The following KCNAB1 variants were observed in gnomAD, a reference collection of about 807,000 sequenced individuals.
KCNAB1 encodes voltage-gated potassium channel subunit beta-1.
KCNAB1 carries 35 observed loss-of-function variants against 64.6 expected under a neutral mutation model. The observed-to-expected ratio is 0.54, with a 90% confidence interval of 0.41 to 0.72. The LOEUF (loss-of-function observed/expected upper bound fraction) is 0.72, where lower values mean the gene tolerates loss of function less well. Ranked by LOEUF, KCNAB1 falls within the 30% of genes least tolerant of loss-of-function variation. KCNAB1 has a pLI of 0.00. For missense variants in KCNAB1, 401 were observed against 512.9 expected (o/e 0.78, Z 2.11); for synonymous variants, 177 against 183.8 (o/e 0.96, Z 0.30).
chr3:156,292,003 G>A (rs1349428662), intron 1 of KCNAB1: 10 of 1,614,118 alleles, frequency 6.2e-6, no homozygotes, highest in Non-Finnish European at 8.5e-6. Context: ...CCCCCAATGT[G>A]GTGAACGCAG....
At chr3:156,151,764 C>A (rs1179753717) in intron 1 of KCNAB1, among the ~76,000 whole-genome samples, 1 of 152,176 alleles carries the variant, frequency 6.6e-6, no homozygotes, top group East Asian at 1.9e-4. Context: ...GTAAAATTTA[C>A]ATAAATATGA....
intron 3 of KCNAB1, among the ~76,000 whole-genome samples, chr3:156,454,592 CTCTG>C (rs1388864292): frequency 3.3e-4 from 51 of 152,274 alleles, no homozygotes; most frequent in African/African-American, 9.6e-4. Context: ...TACTACAGGA[CTCTG>C]TCTGACTGGC....
intron 1 of KCNAB1, among the ~76,000 whole-genome samples, chr3:156,321,245 T>C (rs1722640046): frequency 6.6e-6 from 1 of 152,228 alleles, no homozygotes; most frequent in South Asian, 2.1e-4. Context: ...CTGAATTCCC[T>C]GTCTCAAGAA....
At chr3:156,260,768 G>A (rs1718384506) in intron 1 of KCNAB1, among the ~76,000 whole-genome samples, 1 of 152,174 alleles carries the variant, frequency 6.6e-6, no homozygotes, top group African/African-American at 2.4e-5. Context: ...ATCTAGAAGT[G>A]CAGTTACTTG....
Position 156,227,286 on chromosome 3 carries a change from A to G in KCNAB1, c.275+106400A>G, listed in dbSNP as rs544636154. On this transcript the variant is annotated intron_variant, in intron 1 of 13. Coordinates refer to ENST00000490337, the MANE Select transcript of KCNAB1 (RefSeq NM_172160.3). ...TTTGATAGTACTGAAACGACTGGCC[A>G]TTTGCAAGAATGAAACTAATTTAAA... is the stretch of plus-strand genomic sequence containing the variant. Among the ~76,000 whole-genome samples the G allele has an allele frequency of 3.3e-5, 5 of 152,342 alleles. No individual in the cohort carries two copies. In the East Asian group the frequency reaches 9.6e-4, roughly 29 times the overall value.
At chr3:156,505,092 G>A (rs1424891639) in intron 8 of KCNAB1, among the ~76,000 whole-genome samples, 1 of 152,066 alleles carries the variant, frequency 6.6e-6, no homozygotes, top group Non-Finnish European at 1.5e-5. Context: ...TGTACATGAT[G>A]AGAAATAGGA....
intron 1 of KCNAB1, among the ~76,000 whole-genome samples, chr3:156,267,255 T>G (rs1718775100): frequency 1.3e-5 from 2 of 152,200 alleles, no homozygotes; most frequent in South Asian, 4.1e-4. Flanking sequence ...TATATTCATG[T>G]TAGAACTGGC....
At chr3:156,217,306 C>G (rs1715386753) in intron 1 of KCNAB1, among the ~76,000 whole-genome samples, 1 of 152,204 alleles carries the variant, frequency 6.6e-6, no homozygotes, top group African/African-American at 2.4e-5. Flanking sequence ...ACTTTGGCCT[C>G]TCTTTTCCAA....
chr3:156,484,508 G>C (rs1247811715), intron 8 of KCNAB1, among the ~76,000 whole-genome samples: 1 of 152,094 alleles, frequency 6.6e-6, no homozygotes, highest in Non-Finnish European at 1.5e-5. Flanking sequence ...TTCTCTGAGA[G>C]ATATTTGGAG....
intron 1 of KCNAB1, among the ~76,000 whole-genome samples, 190 bp downstream of exon 1, chr3:156,121,076 C>T (rs543589770): frequency 6.6e-6 from 1 of 152,292 alleles, no homozygotes; most frequent in South Asian, 2.1e-4. Flanking sequence ...ATGTTCCCTG[C>T]ATTGTTATTC....
At chr3:156,377,208 GA>G (rs977818380) in intron 1 of KCNAB1, among the ~76,000 whole-genome samples, 5 of 151,974 alleles carry the variant, frequency 3.3e-5, no homozygotes, top group South Asian at 4.2e-4. Flanking sequence ...CTTCGCATCT[GA>G]AAAAAAATTC....
At chr3:156,291,799 G>T (rs1484170596) in intron 1 of KCNAB1, 1 of 1,550,768 alleles carries the variant, frequency 6.4e-7, no homozygotes, top group African/African-American at 1.4e-5. Flanking sequence ...CAGGAAGGGG[G>T]AGCAAGGAGG....
chr3:156,186,301 T>C (rs1398144932), intron 1 of KCNAB1, among the ~76,000 whole-genome samples: 2 of 152,194 alleles, frequency 1.3e-5, no homozygotes, highest in Non-Finnish European at 2.9e-5. Context: ...CTTTAAAGGA[T>C]TGCCTTTAAA....
At chr3:156,281,801 C>T (rs1283639222) in intron 1 of KCNAB1, among the ~76,000 whole-genome samples, 21 of 149,492 alleles carry the variant, frequency 1.4e-4, no homozygotes, top group African/African-American at 2.2e-4. Flanking sequence ...TCTGTGGGAT[C>T]GGTGGTGATA....
intron 1 of KCNAB1, among the ~76,000 whole-genome samples, chr3:156,223,318 A>G (rs1011267289): frequency 6.6e-6 from 1 of 152,210 alleles, no homozygotes; most frequent in Non-Finnish European, 1.5e-5. Flanking sequence ...GCAGGTTGCC[A>G]TTGCTGGCTT....
chr3:156,300,540 G>T, intron 1 of KCNAB1, among the ~76,000 whole-genome samples: 1 of 152,182 alleles, frequency 6.6e-6, no homozygotes, highest in Non-Finnish European at 1.5e-5. Flanking sequence ...TTTCAGTATA[G>T]AATAGCAAGA....
At position 156,452,967 on chromosome 3, in the gene KCNAB1, T is replaced by C. The variant is rs1249574530; in HGVS notation, c.357+31T>C. The C allele has an allele frequency of 6.6e-7, 1 of 1,521,530 alleles. No homozygotes were observed. The highest frequency in any genetic ancestry group is 9.1e-7 in the Non-Finnish European group (1 of 1,103,736). 94.3% of individuals were successfully genotyped at this position (1,521,530 alleles called of 1,614,324 possible). On this transcript the variant is annotated intron_variant, in intron 3 of 13. Coordinates refer to ENST00000490337, the MANE Select transcript of KCNAB1 (RefSeq NM_172160.3). This position sits in a 1 kb window ranked among gnomAD's most constrained non-coding sequence, Gnocchi z 4.6. ...TTACCTTTGGCCTCTATTATGCTAA[T>C]GAAAGAAAATGCAGAGAGAGCTGTA...
At chr3:156,287,015 G>A (rs770026543) in intron 1 of KCNAB1, among the ~76,000 whole-genome samples, 6 of 152,126 alleles carry the variant, frequency 3.9e-5, no homozygotes, top group Non-Finnish European at 7.3e-5. Flanking sequence ...GGATACTGAG[G>A]CTTAGGGAGG....
chr3:156,365,841 T>C (rs1725911249), intron 1 of KCNAB1, among the ~76,000 whole-genome samples: 1 of 152,196 alleles, frequency 6.6e-6, no homozygotes, highest in Admixed American at 6.5e-5. Context: ...TCCAAATGGA[T>C]GCAGATCAGA....
Sources: gnomAD v4.1 joint callset for allele counts (sites outside exome capture counted in the v4.1 genomes callset) on GRCh38, gnomAD v4.1.1 for gene constraint, Gnocchi (gnomAD v3.1) non-coding constraint, MANE v1.5 for transcripts, NCBI Gene and HGNC (gene_info 2026-07-23, HGNC 2026-07-21) for gene names.